PREX2: variants seen among roughly 807,000 people sequenced by gnomAD.
PREX2 encodes the protein phosphatidylinositol-3,4,5-trisphosphate dependent Rac exchange factor 2, also known as phosphatidylinositol 3,4,5-trisphosphate-dependent Rac exchanger 2 protein.
A neutral mutation model predicts 203.2 loss-of-function variants in PREX2; 107 were observed. That is an observed-to-expected ratio of 0.53 (90% CI 0.45 to 0.62). PREX2 has a LOEUF of 0.62. Among genes scored for constraint, PREX2 ranks in the 20% least tolerant of loss-of-function variants. The pLI, the probability that PREX2 is intolerant of heterozygous loss-of-function variation, is 0.00. For synonymous variants in PREX2, 672 were observed against 663.6 expected (o/e 1.01, Z -0.19); for missense variants, 1,777 against 1,955.9 (o/e 0.91, Z 1.72).
At chr8:68,228,232 GT>G (rs1396035119) in intron 39 of PREX2, among the ~76,000 whole-genome samples, 2 of 152,130 alleles carry the variant, frequency 1.3e-5, no homozygotes, top group Non-Finnish European at 2.9e-5. Context: ...ACAAAATAAA[GT>G]TTTTGTTATG....
chr8:68,083,139 T>C, intron 17 of PREX2, 101 bp from the exon 18 acceptor site: 2 of 785,858 alleles, frequency 2.5e-6, no homozygotes, highest in South Asian at 4.5e-5. Flanking sequence ...AAAATGTCAA[T>C]ATCTATAAGC....
chr8:68,130,204 C>T (rs1250783885), intron 31 of PREX2, among the ~76,000 whole-genome samples: 14 of 151,838 alleles, frequency 9.2e-5, no homozygotes. Context: ...GTAGGAGGAT[C>T]TCTTGAGCCT....
intron 10 of PREX2, 52 bp downstream of exon 10, chr8:68,056,026 A>G (rs773862948): frequency 1.3e-6 from 2 of 1,518,636 alleles, no homozygotes; most frequent in Non-Finnish European, 1.8e-6. Flanking sequence ...TCATTGTCTC[A>G]CCTGTTAACT....
chr8:68,048,963 G>A (rs1383586672), intron 8 of PREX2, among the ~76,000 whole-genome samples: 1 of 151,660 alleles, frequency 6.6e-6, no homozygotes, highest in African/African-American at 2.4e-5. Flanking sequence ...ACGTAACAAT[G>A]GCTTAACAAT....
At chr8:67,995,843 T>A (rs1001855261) in intron 1 of PREX2, among the ~76,000 whole-genome samples, 1 of 152,282 alleles carries the variant, frequency 6.6e-6, no homozygotes. Context: ...TTGGTCAAAT[T>A]CCAAGGTTTG....
intron 7 of PREX2, among the ~76,000 whole-genome samples, chr8:68,041,759 A>G (rs1364221743): frequency 6.6e-6 from 1 of 152,100 alleles, no homozygotes; most frequent in Admixed American, 6.6e-5. Flanking sequence ...TAGTGCAATT[A>G]TTAAAGGTCC....
intron 35 of PREX2, among the ~76,000 whole-genome samples, chr8:68,165,212 A>G (rs1398437279): frequency 6.6e-6 from 1 of 152,034 alleles, no homozygotes; most frequent in African/African-American, 2.4e-5. Flanking sequence ...CAGCATCAAT[A>G]ATTCGTCTTG....
At chr8:68,194,104 A>G (rs1227981767) in intron 37 of PREX2, among the ~76,000 whole-genome samples, 1 of 152,216 alleles carries the variant, frequency 6.6e-6, no homozygotes, top group African/African-American at 2.4e-5. Flanking sequence ...GCTAGCAAAG[A>G]AATAATATCT....
intron 1 of PREX2, among the ~76,000 whole-genome samples, chr8:67,954,049 TA>T (rs1805428013): frequency 6.6e-6 from 1 of 152,232 alleles, no homozygotes. Context: ...CTAATTATAT[TA>T]AAAACCAATT....
rs1430684659 is a variant in PREX2, at chr8:68,193,817, C to T, written c.4604+1292C>T. On this transcript the variant is annotated intron_variant, in intron 37 of 39. Coordinates refer to ENST00000288368, the MANE Select transcript of PREX2 (RefSeq NM_024870.4). ...ATAGAGGCAGAAAAGAAAGAAAGGTCATTGAAGGCAGCAGCCTCTCCATCT... is the reference window on the plus strand; with the variant it reads ...ATAGAGGCAGAAAAGAAAGAAAGGTTATTGAAGGCAGCAGCCTCTCCATCT... Among the ~76,000 whole-genome samples the T allele has an allele frequency of 2.0e-5, 3 of 152,092 alleles. No individual in the cohort carries two copies. The East Asian group carries it at 5.8e-4, about 29-fold the overall frequency.
chr8:68,184,406 A>G (rs1230227118), intron 35 of PREX2, among the ~76,000 whole-genome samples: 3 of 152,206 alleles, frequency 2.0e-5, no homozygotes, highest in Non-Finnish European at 4.4e-5. Flanking sequence ...TATAAATGAT[A>G]TCTGTAATTG....
Position 68,029,669 on chromosome 8 carries a change from C to G in PREX2, c.544-828C>G, listed in dbSNP as rs142389147. On this transcript the variant is annotated intron_variant, in intron 5 of 39. Coordinates refer to ENST00000288368, the MANE Select transcript of PREX2 (RefSeq NM_024870.4). ...TGTGTTAGTTACGTGATGATGGCAA[C>G]CATAGTAAGGAAACACATGACTAAT... is the stretch of plus-strand genomic sequence containing the variant. Among the ~76,000 whole-genome samples the G allele has an allele frequency of 1.5e-3, 226 of 152,202 alleles. 2 individuals carry two copies. The highest frequency in any genetic ancestry group is 0.014 in the Middle Eastern group (4 of 294).
intron 39 of PREX2, among the ~76,000 whole-genome samples, chr8:68,229,644 C>T (rs1452160878): frequency 6.6e-6 from 1 of 152,120 alleles, no homozygotes; most frequent in Non-Finnish European, 1.5e-5. Context: ...TTCAAAGACT[C>T]GTCTACCCAG....
chr8:68,028,139 A>AGAT (rs1451000907), intron 5 of PREX2, among the ~76,000 whole-genome samples: 1 of 151,976 alleles, frequency 6.6e-6, no homozygotes, highest in Non-Finnish European at 1.5e-5. Flanking sequence ...TATGAAATAG[A>AGAT]GATGATGATT....
intron 39 of PREX2, among the ~76,000 whole-genome samples, chr8:68,228,730 C>T (rs574113873): frequency 2.0e-5 from 3 of 151,896 alleles, no homozygotes; most frequent in Non-Finnish European, 4.4e-5. Flanking sequence ...TGCGCCACTG[C>T]ACTCCAGCCT....
At chr8:68,228,620 G>A (rs1190261572) in intron 39 of PREX2, among the ~76,000 whole-genome samples, 1 of 151,912 alleles carries the variant, frequency 6.6e-6, no homozygotes, top group African/African-American at 2.4e-5. Context: ...AAAAAAATTA[G>A]CTGGGCATGG....
intron 1 of PREX2, among the ~76,000 whole-genome samples, chr8:67,976,377 A>T (rs960069413): frequency 2.1e-5 from 3 of 146,050 alleles, no homozygotes; most frequent in African/African-American, 7.4e-5. Flanking sequence ...AAACACTGAG[A>T]GAAAGAGGGA....
chr8:68,099,656 G>T, intron 22 of PREX2, 26 bp from the exon 23 acceptor site: 1 of 1,606,832 alleles, frequency 6.2e-7, no homozygotes. Flanking sequence ...GTGTGTGTGG[G>T]TGTGCGTGTG....
At chr8:68,190,764 G>A (rs1476558634) in intron 35 of PREX2, among the ~76,000 whole-genome samples, 1 of 151,478 alleles carries the variant, frequency 6.6e-6, no homozygotes, top group Non-Finnish European at 1.5e-5. Flanking sequence ...TAAAAGAATG[G>A]TTAAAATGCT....
Sources: gnomAD v4.1 joint callset for allele counts (sites outside exome capture counted in the v4.1 genomes callset) on GRCh38, gnomAD v4.1.1 for gene constraint, MANE v1.5 for transcripts, NCBI Gene and HGNC (gene_info 2026-07-23, HGNC 2026-07-21) for gene names.